The following UAP1 variants were observed in gnomAD, a reference collection of about 807,000 sequenced individuals.
UAP1 encodes the protein UDP-N-acetylhexosamine pyrophosphorylase.
In UAP1, 25 loss-of-function variants were observed where a neutral mutation model predicts 58.5. The observed-to-expected ratio is 0.43, with a 90% CI of 0.31 to 0.60. UAP1 has a LOEUF of 0.60. Ranked by LOEUF, UAP1 falls within the 20% of genes least tolerant of loss-of-function variation. UAP1 has a pLI of 0.11. For synonymous variants in UAP1, 208 were observed against 213.0 expected, an observed-to-expected ratio of 0.98 and a Z score of 0.21; for missense variants, 575 against 630.0, an observed-to-expected ratio of 0.91 and a Z score of 0.93.
chr1:162,565,962 A>C (rs1009805060), intron 1 of UAP1, 50 bp from the exon 2 acceptor site: 1 of 1,260,700 alleles, frequency 7.9e-7, no homozygotes, highest in African/African-American at 1.5e-5. Flanking sequence ...AAAAGCCCTC[A>C]ATTTTGGAGG....
chr1:162,566,281 T>C (rs1421601265), exon 2 of UAP1: 1 of 1,614,162 alleles, frequency 6.2e-7, no homozygotes, highest in East Asian at 2.2e-5. Flanking sequence ...GAATGGAACC[T>C]GTGCCTCGAG....
chr1:162,597,660 A>C, intron 9 of UAP1, 132 bp from the exon 10 acceptor site: 1 of 670,408 alleles, frequency 1.5e-6, no homozygotes, highest in East Asian at 2.6e-5. Flanking sequence ...TCATCAGGGT[A>C]GCATCTATTC....
intron 9 of UAP1, among the ~76,000 whole-genome samples, chr1:162,594,500 C>G (rs2101839534): frequency 1.3e-5 from 2 of 152,232 alleles, no homozygotes; most frequent in Admixed American, 1.3e-4. Context: ...GGTCCATGGC[C>G]CAGGGGTTGG....
chr1:162,573,566 A>G (rs1272920095), intron 2 of UAP1, among the ~76,000 whole-genome samples: 1 of 152,160 alleles, frequency 6.6e-6, no homozygotes, highest in East Asian at 1.9e-4. Context: ...GGTTTTAGGG[A>G]AGGAAGAAAG....
intron 1 of UAP1, among the ~76,000 whole-genome samples, chr1:162,564,265 G>A (rs990005048): frequency 3.3e-5 from 5 of 152,140 alleles, no homozygotes; most frequent in African/African-American, 1.2e-4. Flanking sequence ...TGTAAATGGA[G>A]TTTGATGTTT....
At chr1:162,599,626 A>G (rs756072000) in exon 11 of UAP1, 9 of 289,340 alleles carry the variant, frequency 3.1e-5, no homozygotes, top group Non-Finnish European at 5.8e-5. Context: ...CATCCAGGAA[A>G]TTTCGTACAG....
At chr1:162,592,930 G>A in intron 9 of UAP1, 148 bp downstream of exon 9, 1 of 662,084 alleles carries the variant, frequency 1.5e-6, no homozygotes, top group Non-Finnish European at 2.7e-6. Context: ...TTACTTGGTG[G>A]CAGGTATCTC....
At chr1:162,597,628 T>C in intron 9 of UAP1, 164 bp from the exon 10 acceptor site, 4 of 558,968 alleles carry the variant, frequency 7.2e-6, no homozygotes, top group Non-Finnish European at 9.4e-6. Context: ...CATATTAACT[T>C]AATCCTCAGG....
Position 162,583,591 on chromosome 1 carries a change from C to T in UAP1, c.834+2132C>T, listed in dbSNP as rs74757076. 3.1e-3 allele frequency among the ~76,000 whole-genome samples: 469 copies of T among 152,242 alleles called. 2 individuals carry two copies. Among genetic ancestry groups the T allele is most frequent in the Non-Finnish European group, 5.4e-3 (370 of 68,006 alleles). On this transcript the variant is annotated intron_variant, in intron 5 of 10. Transcript: ENST00000271469. ...ATCATCTGGTCAACCCCTTTGATCT[C>T]AGAAATGAGAATCCTGAGTTCTAGT...
intron 3 of UAP1, 92 bp from the exon 4 acceptor site, chr1:162,579,336 A>G (rs1010845997): frequency 3.1e-6 from 3 of 961,730 alleles, no homozygotes; most frequent in Non-Finnish European, 2.8e-6. Flanking sequence ...AGTGCTTTCA[A>G]AGATATCTTT....
chr1:162,587,957 A>C (rs971337261), intron 6 of UAP1: 1 of 258,984 alleles, frequency 3.9e-6, no homozygotes, highest in Non-Finnish European at 7.3e-6. Flanking sequence ...GAAGCAAAGC[A>C]TAAGAAATGA....
At chr1:162,600,955 C>T (rs1433222092), downstream of UAP1, among the ~76,000 whole-genome samples, 1 of 151,976 alleles carries the variant, frequency 6.6e-6, no homozygotes, top group African/African-American at 2.4e-5. Flanking sequence ...CTGCTATTTC[C>T]ACCTGCTATT....
At chr1:162,563,075 T>G (rs1369251903) in intron 1 of UAP1, among the ~76,000 whole-genome samples, 7 of 152,212 alleles carry the variant, frequency 4.6e-5, no homozygotes, top group Non-Finnish European at 4.4e-5. Flanking sequence ...ATTTTCAACT[T>G]TTTCAGATTT....
intron 9 of UAP1, among the ~76,000 whole-genome samples, chr1:162,596,964 C>A (rs539132032): frequency 6.6e-6 from 1 of 152,258 alleles, no homozygotes; most frequent in Non-Finnish European, 1.5e-5. Flanking sequence ...TAGGTTGTGA[C>A]CTAGATGAAA....
At chr1:162,569,930 A>G (rs1350581498) in intron 2 of UAP1, among the ~76,000 whole-genome samples, 1 of 152,074 alleles carries the variant, frequency 6.6e-6, no homozygotes, top group South Asian at 2.1e-4. Flanking sequence ...CAGGAGGATC[A>G]TGAGGTCAGG....
intron 3 of UAP1, 138 bp from the exon 4 acceptor site, chr1:162,579,290 C>T: frequency 1.8e-6 from 1 of 547,890 alleles, no homozygotes; most frequent in Non-Finnish European, 2.9e-6. Flanking sequence ...TGTGTCTTAC[C>T]CAGGAAAAAT....
intron 2 of UAP1, among the ~76,000 whole-genome samples, chr1:162,570,716 A>G (rs1302220436): frequency 6.6e-6 from 1 of 152,164 alleles, no homozygotes; most frequent in Non-Finnish European, 1.5e-5. Context: ...TCTTTCAGCT[A>G]TAACGTGATT....
intron 9 of UAP1, among the ~76,000 whole-genome samples, chr1:162,596,804 TG>T (rs1466190793): frequency 6.6e-6 from 1 of 152,204 alleles, no homozygotes; most frequent in East Asian, 1.9e-4. Flanking sequence ...AGCTATGGTT[TG>T]ACAAGAGACT....
Position 162,597,778 on chromosome 1 carries a change from G to GT in UAP1, c.1410-6dup, listed in dbSNP as rs746945439. On this transcript the variant is annotated splice_polypyrimidine_tract_variant and intron_variant, in intron 9 of 10. Transcript: ENST00000271469. The stretch of plus-strand genomic sequence containing the variant: ...GAAGCAAAGTCTTTAACACATACTT[G>GT]TTTTTTTTCTTAGCTTGAAGGATGC... 20 of 1,608,898 alleles carry GT rather than the reference G, an allele frequency of 1.2e-5. No individual in the cohort carries two copies. Among genetic ancestry groups the GT allele is most frequent in the South Asian group, 4.4e-5 (4 of 90,482 alleles).
Sources: gnomAD v4.1 joint callset for allele counts (sites outside exome capture counted in the v4.1 genomes callset) on GRCh38, gnomAD v4.1.1 for gene constraint, MANE v1.5 for transcripts, NCBI Gene and HGNC (gene_info 2026-07-23, HGNC 2026-07-21) for gene names.